Variants in PAWR observed in about 807,000 individuals in gnomAD.
The protein encoded by PAWR is PRKC apoptosis WT1 regulator protein.
Under a neutral mutation model 32.0 loss-of-function variants are expected in PAWR, and 23 were observed. The ratio of observed to expected loss-of-function variants is 0.72; its 90% CI spans 0.52 to 1.02. The LOEUF (loss-of-function observed/expected upper bound fraction) is 1.02. Among genes scored for constraint, PAWR ranks in the 50% least tolerant of loss-of-function variants. The probability of loss-of-function intolerance (pLI) is 0.00; values close to 1 mark genes in which losing one functional copy is unlikely to be tolerated. For synonymous variants in PAWR, 226 were observed against 187.1 expected, an observed-to-expected ratio of 1.21 and a Z score of -1.70; for missense variants, 457 against 437.7, an observed-to-expected ratio of 1.04 and a Z score of -0.39.
chr12:79,640,509 G>A (rs1279158113), intron 2 of PAWR, among the ~76,000 whole-genome samples: 1 of 152,162 alleles, frequency 6.6e-6, no homozygotes. Context: ...GGGAGGCCAA[G>A]GCAGGCAGAT....
intron 4 of PAWR, among the ~76,000 whole-genome samples, chr12:79,598,980 C>T (rs377459703): frequency 6.6e-6 from 1 of 152,202 alleles, no homozygotes; most frequent in Non-Finnish European, 1.5e-5. Context: ...CGTGATCCAC[C>T]TGCCCCGGCC....
At chr12:79,681,544 G>A (rs1462921600) in intron 2 of PAWR, among the ~76,000 whole-genome samples, 1 of 152,140 alleles carries the variant, frequency 6.6e-6, no homozygotes, top group Non-Finnish European at 1.5e-5. Flanking sequence ...GAGTGGTTAA[G>A]TATACACACA....
rs1875717317 is a variant in PAWR, at chr12:79,632,338, TA to T, written c.517-11132del. On this transcript the variant is annotated intron_variant, in intron 2 of 6. Transcript: ENST00000328827. Reference sequence around the variant, plus strand: ...ATATATATATATATATATATATATATATATATATATATATATATATATATTT... The same window carrying T: ...ATATATATATATATATATATATATATTATATATATATATATATATATATTT... Among the ~76,000 whole-genome samples, 3 of 58,738 alleles carry T rather than the reference TA, an allele frequency of 5.1e-5. 1 individual carries two copies. The highest frequency in any genetic ancestry group is 7.6e-5 in the Non-Finnish European group (3 of 39,292). The allele number at this position is 58,738 out of a possible 152,430, so 38.5% of individuals were successfully genotyped here.
At chr12:79,645,068 A>ACACACACACAC (rs1555175769) in intron 2 of PAWR, among the ~76,000 whole-genome samples, 8 of 151,328 alleles carry the variant, frequency 5.3e-5, no homozygotes, top group Non-Finnish European at 1.0e-4. Context: ...ACACACACAC[A>ACACACACACAC]AAAATCAATG....
rs180903210 is a variant in PAWR at position 79,684,596 on chromosome 12, C to A, written c.516+5133G>T. ...ACATGCCACTGTACTCCAGCCTGGG[C>A]AACAGAGCAAGACTCCACCTCAAAA... On this transcript the variant is annotated intron_variant, in intron 2 of 6. Coordinates refer to ENST00000328827, the MANE Select transcript of PAWR (RefSeq NM_002583.4). Among the ~76,000 whole-genome samples the A allele has an allele frequency of 6.8e-3, 1,010 of 148,558 alleles. 31 individuals are homozygous for A. Among genetic ancestry groups the A allele is most frequent in the Admixed American group, 0.051 (760 of 14,904 alleles).
chr12:79,664,776 C>T (rs1014432931), intron 2 of PAWR, among the ~76,000 whole-genome samples: 9 of 151,536 alleles, frequency 5.9e-5, no homozygotes, highest in Admixed American at 1.3e-4. Context: ...TACGGATATG[C>T]GTCATCATGT....
chr12:79,594,217 C>T, intron 6 of PAWR, 112 bp downstream of exon 6: 1 of 551,358 alleles, frequency 1.8e-6, no homozygotes. Flanking sequence ...TATTATTTCA[C>T]TAACAAAAGA....
intron 2 of PAWR, among the ~76,000 whole-genome samples, chr12:79,648,185 A>T (rs909334762): frequency 1.3e-5 from 2 of 152,164 alleles, no homozygotes; most frequent in African/African-American, 2.4e-5. Context: ...TCTTTATAAA[A>T]TCCATAAAGT....
At chr12:79,620,320 C>T (rs1410902654) in intron 3 of PAWR, among the ~76,000 whole-genome samples, 1 of 152,118 alleles carries the variant, frequency 6.6e-6, no homozygotes, top group East Asian at 1.9e-4. Flanking sequence ...GTCCTAAAGC[C>T]ATTAGGCAGG....
At chr12:79,656,284 G>A (rs1565692928) in intron 2 of PAWR, among the ~76,000 whole-genome samples, 3 of 152,216 alleles carry the variant, frequency 2.0e-5, no homozygotes, top group African/African-American at 2.4e-5. Context: ...GCAGACTAGA[G>A]GCAGATAAAT....
At position 79,587,055 on chromosome 12, in the gene PAWR, G is replaced by A. The variant is rs534685483; in HGVS notation, c.*5552C>T. 5 of 152,158 alleles carry A rather than the reference G, an allele frequency of 3.3e-5. No individual in the cohort carries two copies. The highest frequency in any genetic ancestry group is 1.9e-4 in the East Asian group (1 of 5,182). 9.4% of individuals were successfully genotyped at this position (152,158 alleles called of 1,614,324 possible). A position where few individuals can be genotyped will look rare whatever the true frequency, so the allele number is the denominator to read the frequency against. Reference sequence around the variant, plus strand: ...CAGCTGCTGATAGAATTGTGTGCACGCGTGCATGCATGCATAAACACAAAG... The same window carrying A: ...CAGCTGCTGATAGAATTGTGTGCACACGTGCATGCATGCATAAACACAAAG... On this transcript the variant is annotated 3_prime_UTR_variant, in exon 7 of 7. Transcript: ENST00000328827.
At chr12:79,601,948 A>G (rs992438136) in intron 4 of PAWR, among the ~76,000 whole-genome samples, 2 of 152,226 alleles carry the variant, frequency 1.3e-5, no homozygotes, top group Non-Finnish European at 2.9e-5. Flanking sequence ...TTGATTTTGT[A>G]TATCTTACCA....
At chr12:79,637,182 AG>A (rs772850778) in intron 2 of PAWR, among the ~76,000 whole-genome samples, 1 of 152,136 alleles carries the variant, frequency 6.6e-6, no homozygotes, top group African/African-American at 2.4e-5. Flanking sequence ...GCTCCCTAAA[AG>A]GGGGATGGGC....
rs910836684 is a variant in PAWR, at chr12:79,587,313, A to T, written c.*5294T>A. 2 of 152,110 alleles carry T rather than the reference A, an allele frequency of 1.3e-5. No homozygotes were observed. The highest frequency in any genetic ancestry group is 1.5e-5 in the Non-Finnish European group (1 of 67,948). The allele number at this position is 152,110 out of a possible 1,614,324, so 9.4% of individuals were successfully genotyped here. ...GTTCTAGAAGTAGAGAAGACTGATT[A>T]GCTTGTGCCTGTGTATGAAGAATGA... On this transcript the variant is annotated 3_prime_UTR_variant, in exon 7 of 7. Transcript: ENST00000328827.
chr12:79,656,266 G>A (rs1877089309), intron 2 of PAWR, among the ~76,000 whole-genome samples: 4 of 152,210 alleles, frequency 2.6e-5, no homozygotes, highest in African/African-American at 9.6e-5. Flanking sequence ...CTAACTGCAG[G>A]ATAAAGAGCA....
chr12:79,613,253 A>T (rs1455538398), intron 4 of PAWR, among the ~76,000 whole-genome samples: 1 of 152,162 alleles, frequency 6.6e-6, no homozygotes, highest in Non-Finnish European at 1.5e-5. Context: ...TTGTTATGGC[A>T]CTCTGAGCTA....
At chr12:79,687,503 T>C (rs1878739667) in intron 2 of PAWR, among the ~76,000 whole-genome samples, 1 of 152,172 alleles carries the variant, frequency 6.6e-6, no homozygotes, top group Non-Finnish European at 1.5e-5. Context: ...TGTCTGAAAA[T>C]AAGAGTCTTA....
At chr12:79,629,749 G>C (rs1471830073) in intron 2 of PAWR, among the ~76,000 whole-genome samples, 1 of 152,058 alleles carries the variant, frequency 6.6e-6, no homozygotes, top group Non-Finnish European at 1.5e-5. Context: ...ACATAAAACA[G>C]GATTTGTGCA....
intron 3 of PAWR, 81 bp downstream of exon 3, chr12:79,620,995 T>G: frequency 1.0e-6 from 1 of 997,006 alleles, no homozygotes; most frequent in South Asian, 1.6e-5. Flanking sequence ...GGAGATATAT[T>G]ACTACATACA....
Sources: allele counts gnomAD v4.1 joint callset (sites outside exome capture counted in the v4.1 genomes callset), GRCh38; gene constraint gnomAD v4.1.1; transcripts MANE v1.5; gene names NCBI Gene and HGNC (gene_info 2026-07-23, HGNC 2026-07-21).